USP34: variants seen among roughly 807,000 people sequenced by gnomAD.
The protein encoded by USP34 is ubiquitin specific peptidase 34.
A neutral mutation model predicts 460.3 loss-of-function variants in USP34; 70 were observed. The observed-to-expected ratio is 0.15, with a 90% CI of 0.13 to 0.19. The LOEUF (loss-of-function observed/expected upper bound fraction) is 0.19. Ranked by LOEUF, USP34 falls within the 10% of genes least tolerant of loss-of-function variation. USP34 has a pLI of 1.00. For synonymous variants in USP34, 1,647 were observed against 1,405.3 expected, an observed-to-expected ratio of 1.17 and a Z score of -3.85; for missense variants, 3,985 against 4,236.2, an observed-to-expected ratio of 0.94 and a Z score of 1.65.
intron 5 of USP34, 137 bp downstream of exon 5, chr2:61,394,716 T>C: frequency 3.6e-6 from 2 of 556,074 alleles, no homozygotes; most frequent in Non-Finnish European, 5.8e-6. Flanking sequence ...AAAACGTTTC[T>C]GTACTCATTT....
intron 5 of USP34, among the ~76,000 whole-genome samples, chr2:61,386,581 G>C (rs887219526): frequency 2.2e-4 from 34 of 152,100 alleles, no homozygotes; most frequent in Admixed American, 9.8e-4. Context: ...ACAAGCTCAG[G>C]AGATCGAGAC....
intron 29 of USP34, among the ~76,000 whole-genome samples, chr2:61,298,572 A>AAAAAAG (rs1690115222): frequency 7.7e-6 from 1 of 130,154 alleles, no homozygotes; most frequent in Non-Finnish European, 1.7e-5. Context: ...AAAAAAAAAA[A>AAAAAAG]TCTGCTGAAA....
At chr2:61,433,116 G>GT (rs1397378896) in intron 1 of USP34, among the ~76,000 whole-genome samples, 1 of 152,210 alleles carries the variant, frequency 6.6e-6, no homozygotes, top group African/African-American at 2.4e-5. Flanking sequence ...TCTGACAGGT[G>GT]TGTCAGAGAG....
At chr2:61,353,691 A>G (rs1179336207) in intron 10 of USP34, among the ~76,000 whole-genome samples, 1 of 151,928 alleles carries the variant, frequency 6.6e-6, no homozygotes, top group African/African-American at 2.4e-5. Context: ...TCGGCCTCCC[A>G]AAGTGCTAGG....
At chr2:61,258,522 A>G (rs950388271) in intron 44 of USP34, among the ~76,000 whole-genome samples, 2 of 152,180 alleles carry the variant, frequency 1.3e-5, no homozygotes, top group Non-Finnish European at 2.9e-5. Context: ...AATGAACATC[A>G]GAAGAAAATG....
chr2:61,385,538 G>A (rs1304053536), intron 5 of USP34, among the ~76,000 whole-genome samples: 2 of 151,768 alleles, frequency 1.3e-5, no homozygotes, highest in Admixed American at 1.3e-4. Context: ...CGGACGTGGT[G>A]GCGGGCGCCT....
At position 61,348,290 on chromosome 2, in the gene USP34, T is replaced by A. The variant is rs1691834045; in HGVS notation, c.1865A>T (p.Glu622Val). 6.2e-7 allele frequency: 1 copy of A among 1,614,082 alleles called. No homozygotes were observed. Among genetic ancestry groups the A allele is most frequent in the Non-Finnish European group, 8.5e-7 (1 of 1,180,034 alleles). The change falls in exon 15 of 80, where the codon GAG becomes GTG. Residue 622 changes from glutamate (E) to valine (V), a missense_variant. This residue lies in a region of USP34 where 716 missense variants were observed against 626.2 expected (regional missense o/e 1.14). Coordinates refer to ENST00000398571, the MANE Select transcript of USP34 (RefSeq NM_014709.4). ...EDIADIEALK[E>V]EDEDDDHGHN... is the part of the protein sequence containing the mutation. ...ACCATGATCATCGTCTTCATCTTCC[T>A]CTTTGAGGGCTTCAATATCTGCAAT...
At chr2:61,273,075 C>A (rs1254722393) in intron 41 of USP34, among the ~76,000 whole-genome samples, 1 of 152,054 alleles carries the variant, frequency 6.6e-6, no homozygotes, top group South Asian at 2.1e-4. Flanking sequence ...ACATAAATGA[C>A]AAGTTAAAAA....
intron 1 of USP34, among the ~76,000 whole-genome samples, chr2:61,467,546 C>A (rs1278658608): frequency 7.9e-5 from 12 of 151,056 alleles, no homozygotes. Flanking sequence ...CTTCTCTCAG[C>A]TGGCTAAACT....
chr2:61,448,820 A>G lies in USP34; in HGVS notation c.43+21830T>C, dbSNP rs1351804221. ...TTTTACAATAGCATCAGAAAGAATAAGATTCTTATTCTTTGCCCAAAATGT... is the reference window on the plus strand; with the variant it reads ...TTTTACAATAGCATCAGAAAGAATAGGATTCTTATTCTTTGCCCAAAATGT... On this transcript the variant is annotated intron_variant, in intron 1 of 79. Coordinates refer to ENST00000398571, the MANE Select transcript of USP34 (RefSeq NM_014709.4). 6.6e-5 allele frequency among the ~76,000 whole-genome samples: 10 copies of G among 152,202 alleles called. No individual in the cohort carries two copies. In the South Asian group the frequency reaches 1.9e-3, roughly 28 times the overall value.
intron 62 of USP34, 179 bp downstream of exon 62, chr2:61,226,886 CCA>C: frequency 1.4e-6 from 1 of 724,740 alleles, no homozygotes; most frequent in Non-Finnish European, 2.0e-6. Flanking sequence ...AATTCTTATG[CCA>C]CAAGAGTTGA....
At chr2:61,396,034 G>C (rs1477628136) in intron 3 of USP34, among the ~76,000 whole-genome samples, 1 of 150,296 alleles carries the variant, frequency 6.7e-6, no homozygotes, top group Non-Finnish European at 1.5e-5. Flanking sequence ...TCCATCCTGG[G>C]TGACAGAGCA....
intron 21 of USP34, among the ~76,000 whole-genome samples, chr2:61,321,135 A>G (rs553404732): frequency 2.0e-5 from 3 of 151,812 alleles, no homozygotes; most frequent in African/African-American, 7.2e-5. Context: ...ATGATCATGC[A>G]CTTCAGCCTG....
intron 41 of USP34, 174 bp downstream of exon 41, chr2:61,277,991 G>T: frequency 7.3e-6 from 6 of 822,506 alleles, no homozygotes; most frequent in Non-Finnish European, 1.1e-5. Flanking sequence ...CGGCACGATT[G>T]TGAGGCCTCC....
intron 1 of USP34, among the ~76,000 whole-genome samples, chr2:61,429,537 G>C (rs2103993882): frequency 6.6e-6 from 1 of 152,262 alleles, no homozygotes; most frequent in East Asian, 1.9e-4. Context: ...TGAGGTGAAT[G>C]AGTTGCTTAA....
At chr2:61,298,380 A>C (rs1297510862) in intron 29 of USP34, among the ~76,000 whole-genome samples, 1 of 146,274 alleles carries the variant, frequency 6.8e-6, no homozygotes, top group East Asian at 2.0e-4. Flanking sequence ...AAAAAAAAAA[A>C]AAAAAAAACT....
At chr2:61,226,017 A>G (rs952979547) in intron 62 of USP34, among the ~76,000 whole-genome samples, 2 of 151,684 alleles carry the variant, frequency 1.3e-5, no homozygotes, top group Admixed American at 6.6e-5. Flanking sequence ...TGTAATGGCT[A>G]TTCACAGGTG....
chr2:61,314,457 T>G, intron 25 of USP34, 128 bp downstream of exon 25: 1 of 820,984 alleles, frequency 1.2e-6, no homozygotes, highest in Non-Finnish European at 1.7e-6. Context: ...TTACTGATCC[T>G]TCACTTTGGT....
chr2:61,349,012 T>C, intron 13 of USP34, 126 bp from the exon 14 acceptor site: 2 of 1,157,444 alleles, frequency 1.7e-6, no homozygotes, highest in South Asian at 1.8e-5. Flanking sequence ...AAAAATAAAA[T>C]CTCTAAATAT....
Sources: allele counts gnomAD v4.1 joint callset (sites outside exome capture counted in the v4.1 genomes callset), GRCh38; gene constraint gnomAD v4.1.1; regional missense constraint gnomAD v4.1.1; transcripts MANE v1.5; gene names NCBI Gene and HGNC (gene_info 2026-07-23, HGNC 2026-07-21).